Variants in ERC2 observed in about 807,000 individuals in gnomAD.
The protein encoded by ERC2 is ERC protein 2.
ERC2 carries 42 observed loss-of-function variants against 114.8 expected under a neutral mutation model. That is an observed-to-expected ratio of 0.37 (90% confidence interval 0.29 to 0.47). ERC2 has a LOEUF of 0.47. Among genes scored for constraint, ERC2 ranks in the 20% least tolerant of loss-of-function variants. ERC2 has a pLI of 0.99. For synonymous variants in ERC2, 454 were observed against 425.5 expected, an observed-to-expected ratio of 1.07 and a Z score of -0.82; for missense variants, 939 against 1,150.7, an observed-to-expected ratio of 0.82 and a Z score of 2.66.
At chr3:55,517,446 CAA>C (rs11309251) in intron 17 of ERC2, among the ~76,000 whole-genome samples, 5,682 of 90,120 alleles carry the variant, frequency 0.063, 88 homozygotes, top group African/African-American at 0.093. Context: ...GACTCCGTCT[CAA>C]AAAAAAAAAA....
intron 8 of ERC2, among the ~76,000 whole-genome samples, chr3:56,012,670 G>A (rs1014516442): frequency 6.6e-6 from 1 of 152,008 alleles, no homozygotes; most frequent in Non-Finnish European, 1.5e-5. Flanking sequence ...CTATTGACTG[G>A]GCATTGATGA....
intron 2 of ERC2, among the ~76,000 whole-genome samples, chr3:56,414,263 C>T (rs2061057281): frequency 6.6e-6 from 1 of 152,194 alleles, no homozygotes; most frequent in Admixed American, 6.5e-5. Context: ...ACCAGACTTT[C>T]ATCATTATCC....
rs1025658432 is a variant in ERC2, at chr3:55,510,676, A to C, written c.*640T>G. The stretch of plus-strand genomic sequence containing the variant: ...TACACCCTCAAAATGCGGTTCTTCA[A>C]ACAACAGATTAAAGAAATAGAGGAG... On this transcript the variant is annotated 3_prime_UTR_variant, in exon 18 of 18. Transcript: ENST00000288221. 1.3e-5 allele frequency: 2 copies of C among 152,652 alleles called. No individual in the cohort carries two copies. The highest frequency in any genetic ancestry group is 2.9e-5 in the Non-Finnish European group (2 of 68,040). The allele number at this position is 152,652 out of a possible 1,614,324, so 9.5% of individuals were successfully genotyped here. A position where few individuals can be genotyped will look rare whatever the true frequency, so the allele number is the denominator to read the frequency against.
At chr3:55,613,654 C>T (rs78575283) in intron 17 of ERC2, among the ~76,000 whole-genome samples, 2,819 of 152,126 alleles carry the variant, frequency 0.019, 35 homozygotes, top group Non-Finnish European at 0.028. Context: ...GTGAAGAAGT[C>T]GGGATAATGG....
chr3:55,518,861 G>A lies in ERC2; in HGVS notation c.*40-7585C>T, dbSNP rs370134809. The stretch of plus-strand genomic sequence containing the variant: ...AACCGATAGAACAAAAACTGGTTTT[G>A]TTTGTTGTCAAAACTAATGATAGTC... On this transcript the variant is annotated intron_variant, in intron 17 of 17. Transcript: ENST00000288221. 1.6e-4 allele frequency among the ~76,000 whole-genome samples: 24 copies of A among 152,348 alleles called. No homozygotes were observed. The South Asian group carries it at 5.0e-3, about 32-fold the overall frequency.
intron 17 of ERC2, among the ~76,000 whole-genome samples, chr3:55,633,696 A>G (rs2059845216): frequency 6.6e-6 from 1 of 152,238 alleles, no homozygotes; most frequent in African/African-American, 2.4e-5. Flanking sequence ...TGCAGCAGTG[A>G]GGATAATGGG....
At chr3:56,079,613 G>A (rs1264229250) in intron 7 of ERC2, among the ~76,000 whole-genome samples, 1 of 152,064 alleles carries the variant, frequency 6.6e-6, no homozygotes, top group African/African-American at 2.4e-5. Flanking sequence ...ACAGCTCCAT[G>A]GACCTCTGAC....
intron 3 of ERC2, among the ~76,000 whole-genome samples, chr3:56,196,837 C>T (rs920327433): frequency 1.3e-5 from 2 of 151,954 alleles, no homozygotes; most frequent in Non-Finnish European, 2.9e-5. Context: ...GGGACTATAC[C>T]CCGCTTTGTC....
intron 15 of ERC2, among the ~76,000 whole-genome samples, chr3:55,709,272 T>C (rs1353354840): frequency 6.6e-6 from 1 of 152,062 alleles, no homozygotes; most frequent in East Asian, 1.9e-4. Context: ...AACAGGGCTA[T>C]GAAGAGAGGG....
At chr3:56,058,445 G>T (rs938533264) in intron 7 of ERC2, among the ~76,000 whole-genome samples, 1 of 152,172 alleles carries the variant, frequency 6.6e-6, no homozygotes. Context: ...CTGAAAAGAC[G>T]AAGTCTCTCA....
At chr3:55,591,184 CTTT>C (rs5849105) in intron 17 of ERC2, among the ~76,000 whole-genome samples, 3 of 144,620 alleles carry the variant, frequency 2.1e-5, no homozygotes, top group Non-Finnish European at 1.5e-5. Flanking sequence ...TGTCTTTTAG[CTTT>C]TTTTTTTTTT....
chr3:56,212,792 T>TAC (rs777136573), intron 3 of ERC2, among the ~76,000 whole-genome samples: 23 of 110,336 alleles, frequency 2.1e-4, no homozygotes, highest in Non-Finnish European at 3.0e-4. Flanking sequence ...TACATATACA[T>TAC]ATACACACAC....
chr3:55,614,537 T>C lies in ERC2; in HGVS notation c.*39+69257A>G, dbSNP rs1227727377. Among the ~76,000 whole-genome samples the C allele has an allele frequency of 3.3e-5, 5 of 152,202 alleles. No individual in the cohort carries two copies. The East Asian group carries it at 9.6e-4, about 29-fold the overall frequency. On this transcript the variant is annotated intron_variant, in intron 17 of 17. Transcript: ENST00000288221. ...GGTCAAAAACTACCCATATTTTTTC[T>C]GATAAAATTAAAAAAAAATCCTTTC... is the stretch of plus-strand genomic sequence containing the variant.
chr3:56,121,551 T>C (rs1215656067), intron 6 of ERC2, among the ~76,000 whole-genome samples: 1 of 152,200 alleles, frequency 6.6e-6, no homozygotes, highest in Non-Finnish European at 1.5e-5. Flanking sequence ...AAAATACAAA[T>C]GCTCCAACTC....
intron 3 of ERC2, among the ~76,000 whole-genome samples, chr3:56,223,830 T>A (rs1310937707): frequency 1.3e-5 from 2 of 152,236 alleles, no homozygotes; most frequent in East Asian, 1.9e-4. Context: ...AGTACATTTT[T>A]AAAATACATT....
intron 6 of ERC2, among the ~76,000 whole-genome samples, chr3:56,121,582 C>T (rs531348076): frequency 6.6e-6 from 1 of 152,258 alleles, no homozygotes; most frequent in South Asian, 2.1e-4. Flanking sequence ...AAAGTCCAGG[C>T]ATTCTGTGCA....
chr3:55,994,345 G>A (rs2071319428), intron 10 of ERC2, among the ~76,000 whole-genome samples: 1 of 151,948 alleles, frequency 6.6e-6, no homozygotes, highest in Admixed American at 6.6e-5. Context: ...TAGTTGCTGT[G>A]GCTTATTTTG....
chr3:55,575,127 G>A (rs2056909187), intron 17 of ERC2, among the ~76,000 whole-genome samples: 1 of 152,192 alleles, frequency 6.6e-6, no homozygotes, highest in Non-Finnish European at 1.5e-5. Context: ...TGATTCTCAT[G>A]CCTCAGCTTC....
intron 2 of ERC2, among the ~76,000 whole-genome samples, chr3:56,372,880 A>T (rs571772657): frequency 6.6e-6 from 1 of 152,350 alleles, no homozygotes; most frequent in East Asian, 1.9e-4. Flanking sequence ...TGACCACCTA[A>T]CTAAGCAACT....
Sources: allele counts gnomAD v4.1 joint callset (sites outside exome capture counted in the v4.1 genomes callset), GRCh38; gene constraint gnomAD v4.1.1; transcripts MANE v1.5; gene names NCBI Gene and HGNC (gene_info 2026-07-23, HGNC 2026-07-21).